The following AOPEP variants were observed in gnomAD, a reference collection of about 807,000 sequenced individuals.
AOPEP encodes aminopeptidase O (putative), also known as aminopeptidase O.
A neutral mutation model predicts 98.1 loss-of-function variants in AOPEP; 77 were observed. The observed-to-expected ratio is 0.78, with a 90% confidence interval of 0.65 to 0.95. The LOEUF (loss-of-function observed/expected upper bound fraction) is 0.95. AOPEP is among the 40% of genes least tolerant of loss of function. AOPEP has a pLI of 0.00. For missense variants in AOPEP, 1,024 were observed against 1,024.7 expected, an observed-to-expected ratio of 1.00 and a Z score of 0.01; for synonymous variants, 346 against 365.3, an observed-to-expected ratio of 0.95 and a Z score of 0.60.
chr9:95,097,434 T>C, the AOPEP span, among the ~76,000 whole-genome samples: 2 of 152,122 alleles, frequency 1.3e-5, no homozygotes, highest in Non-Finnish European at 2.9e-5. Context: ...GGCTCCTCCA[T>C]CTGATGCACC....
intron 14 of AOPEP, among the ~76,000 whole-genome samples, chr9:95,062,374 G>A (rs1425757408): frequency 1.3e-5 from 2 of 152,224 alleles, no homozygotes; most frequent in African/African-American, 4.8e-5. Context: ...TGACCGAGAT[G>A]CATATGTAAA....
the AOPEP span, among the ~76,000 whole-genome samples, chr9:95,106,151 G>A: frequency 2.0e-4 from 31 of 152,188 alleles, no homozygotes; most frequent in East Asian, 4.4e-3. Flanking sequence ...CTTGCTGACA[G>A]CCATCCTGAT....
At chr9:94,749,682 A>G (rs1835261989) in intron 1 of AOPEP, among the ~76,000 whole-genome samples, 1 of 152,198 alleles carries the variant, frequency 6.6e-6, no homozygotes, top group East Asian at 1.9e-4. Flanking sequence ...TATCTCAAAT[A>G]TAGTATTTTT....
intron 13 of AOPEP, among the ~76,000 whole-genome samples, 172 bp downstream of exon 13, chr9:95,005,788 T>C (rs1743161230): frequency 2.0e-5 from 3 of 152,228 alleles, no homozygotes; most frequent in Admixed American, 2.0e-4. Context: ...ATAAGGCTAA[T>C]GATCATTTAT....
chr9:94,868,251 T>A (rs1474893334), intron 5 of AOPEP, among the ~76,000 whole-genome samples: 1 of 152,240 alleles, frequency 6.6e-6, no homozygotes, highest in Non-Finnish European at 1.5e-5. Context: ...TGACTTCCTC[T>A]TCTTTCCAGA....
intron 2 of AOPEP, chr9:94,760,790 A>G: frequency 2.4e-6 from 1 of 417,084 alleles, no homozygotes; most frequent in Admixed American, 3.9e-5. Flanking sequence ...AGTCAGGATG[A>G]AAAGATTATT....
chr9:94,756,620 C>G lies in AOPEP; in HGVS notation c.-135-3029C>G, dbSNP rs1020724138. On this transcript the variant is annotated intron_variant, in intron 1 of 16. Coordinates refer to ENST00000375315, the MANE Select transcript of AOPEP (RefSeq NM_001193329.3). The stretch of plus-strand genomic sequence containing the variant: ...AGGGGATGGTGTTGAGAGAACACTT[C>G]TTCCCCACTTCTCATGTTTCCTTCC... Among the ~76,000 whole-genome samples, 3 of 151,988 alleles carry G rather than the reference C, an allele frequency of 2.0e-5. No homozygotes were observed. In the South Asian group the frequency reaches 6.3e-4, roughly 32 times the overall value.
At position 94,932,720 on chromosome 9, in the gene AOPEP, G is replaced by A. The variant is rs146964955; in HGVS notation, c.1661+4189G>A. 3.7e-3 allele frequency: 2,863 copies of A among 779,636 alleles called. 76 individuals carry two copies. The African/African-American group carries it at 0.05, about 14-fold the overall frequency. The allele number at this position is 779,636 out of a possible 1,614,324, so 48.3% of individuals were successfully genotyped here. ...GCTGGTCTCAAACTCCTAACCTCAAGTGATCTGCCTGCTTCGGCCTCCCAA... is the reference window on the plus strand; with the variant it reads ...GCTGGTCTCAAACTCCTAACCTCAAATGATCTGCCTGCTTCGGCCTCCCAA... On this transcript the variant is annotated intron_variant, in intron 7 of 16. Transcript: ENST00000375315.
At chr9:94,822,244 G>C (rs1853408436) in intron 5 of AOPEP, among the ~76,000 whole-genome samples, 2 of 152,188 alleles carry the variant, frequency 1.3e-5, no homozygotes, top group Admixed American at 1.3e-4. Context: ...AGGATGTGTT[G>C]ATCTTGTTAG....
At chr9:94,877,725 A>T (rs1038375976) in intron 5 of AOPEP, among the ~76,000 whole-genome samples, 1 of 152,106 alleles carries the variant, frequency 6.6e-6, no homozygotes, top group Admixed American at 6.5e-5. Context: ...CCAACCTCCT[A>T]CTGGATTTAA....
intron 13 of AOPEP, among the ~76,000 whole-genome samples, chr9:95,013,698 G>A (rs578168326): frequency 2.6e-5 from 4 of 152,174 alleles, no homozygotes; most frequent in East Asian, 1.9e-4. Context: ...CTATAGTCCT[G>A]GTTTTTTGCA....
At chr9:95,024,932 C>T (rs1004043268) in intron 13 of AOPEP, among the ~76,000 whole-genome samples, 11 of 151,926 alleles carry the variant, frequency 7.2e-5, no homozygotes, top group African/African-American at 2.7e-4. Flanking sequence ...CCCCTTAGGC[C>T]AATGAACTGT....
intron 14 of AOPEP, among the ~76,000 whole-genome samples, chr9:95,077,677 G>C (rs924491524): frequency 1.3e-5 from 2 of 152,170 alleles, no homozygotes; most frequent in African/African-American, 4.8e-5. Flanking sequence ...GGAGGAACTT[G>C]ATGCAGGAGG....
At chr9:94,763,944 T>C (rs1214395449) in intron 2 of AOPEP, among the ~76,000 whole-genome samples, 1 of 152,164 alleles carries the variant, frequency 6.6e-6, no homozygotes, top group Non-Finnish European at 1.5e-5. Context: ...GTGGACATGT[T>C]CTGTCCTCAA....
the AOPEP span, chr9:95,100,156 G>A: frequency 1.3e-5 from 3 of 232,752 alleles, no homozygotes; most frequent in East Asian, 6.0e-5. Context: ...CACCTCTGAC[G>A]AAGCATGTTT....
At chr9:94,849,129 G>T (rs2043216451) in intron 5 of AOPEP, among the ~76,000 whole-genome samples, 3 of 152,228 alleles carry the variant, frequency 2.0e-5, no homozygotes, top group African/African-American at 2.4e-5. Context: ...CTAAAATGGG[G>T]CAGGGGGTAG....
intron 13 of AOPEP, among the ~76,000 whole-genome samples, chr9:95,018,297 G>A (rs974191026): frequency 8.5e-5 from 13 of 152,130 alleles, no homozygotes; most frequent in African/African-American, 3.1e-4. Flanking sequence ...TCAGCTCCTG[G>A]TATTGTCAGA....
At chr9:95,020,746 C>A (rs534425677) in intron 13 of AOPEP, among the ~76,000 whole-genome samples, 3 of 151,606 alleles carry the variant, frequency 2.0e-5, no homozygotes, top group African/African-American at 7.3e-5. Context: ...GGTGAAACCC[C>A]GTCTCTACTA....
the AOPEP span, chr9:95,101,326 C>A: frequency 5.6e-6 from 2 of 357,712 alleles, no homozygotes; most frequent in Non-Finnish European, 1.0e-5. Context: ...TGGTTCATGA[C>A]CAAATTCTTG....
Sources: allele counts gnomAD v4.1 joint callset (sites outside exome capture counted in the v4.1 genomes callset), GRCh38; gene constraint gnomAD v4.1.1; transcripts MANE v1.5; gene names NCBI Gene and HGNC (gene_info 2026-07-23, HGNC 2026-07-21).